The following DBF4 variants were observed in gnomAD, a reference collection of about 807,000 sequenced individuals.
The protein encoded by DBF4 is DBF4-CDC7 kinase regulatory subunit, also known as protein DBF4 homolog A.
In DBF4, 25 loss-of-function variants were observed where a neutral mutation model predicts 76.6. The observed-to-expected ratio is 0.33, with a 90% CI of 0.24 to 0.46. DBF4 has a LOEUF of 0.46. Ranked by LOEUF, DBF4 falls within the 20% of genes least tolerant of loss-of-function variation. The pLI is 1.00. For synonymous variants in DBF4, 213 were observed against 258.0 expected (o/e 0.83, Z 1.67); for missense variants, 638 against 760.8 (o/e 0.84, Z 1.90).
intron 10 of DBF4, among the ~76,000 whole-genome samples, chr7:87,901,850 G>C (rs1839798089): frequency 6.6e-6 from 1 of 152,156 alleles, no homozygotes; most frequent in Non-Finnish European, 1.5e-5. Flanking sequence ...TTCGGTTTTG[G>C]TAGAAGATGG....
intron 11 of DBF4, among the ~76,000 whole-genome samples, chr7:87,905,249 A>G (rs1202836023): frequency 6.6e-6 from 1 of 152,246 alleles, no homozygotes; most frequent in Non-Finnish European, 1.5e-5. Context: ...GCTTTTTTGT[A>G]CAATGGATAT....
chr7:87,893,278 G>T (rs1043747632), intron 6 of DBF4, among the ~76,000 whole-genome samples: 1 of 135,330 alleles, frequency 7.4e-6, no homozygotes, highest in African/African-American at 2.8e-5. Flanking sequence ...TCGCTCTGTC[G>T]CCCAGGCCGG....
intron 6 of DBF4, among the ~76,000 whole-genome samples, chr7:87,893,317 C>T (rs1839541265): frequency 6.7e-6 from 1 of 149,944 alleles, no homozygotes; most frequent in South Asian, 2.1e-4. Flanking sequence ...GCAATCTCGG[C>T]TCACTGCAAG....
intron 10 of DBF4, among the ~76,000 whole-genome samples, chr7:87,903,318 A>G (rs1839835065): frequency 6.6e-6 from 1 of 152,174 alleles, no homozygotes; most frequent in South Asian, 2.1e-4. Context: ...ACCTCAGGTG[A>G]TCCGCCCTCC....
At chr7:87,878,028 A>T (rs771487981) in intron 1 of DBF4, 25 bp from the exon 2 acceptor site, 1 of 1,532,138 alleles carries the variant, frequency 6.5e-7, no homozygotes, top group African/African-American at 1.4e-5. Flanking sequence ...TGTGTAAAAC[A>T]TCTGATTCTA....
Position 87,900,344 on chromosome 7 carries a change from A to C in DBF4, c.804A>C (p.Lys268Asn), listed in dbSNP as rs530200299. The C allele has an allele frequency of 2.0e-5, 32 of 1,587,422 alleles. No homozygotes were observed. In the African/African-American group the frequency reaches 4.2e-4, roughly 21 times the overall value. ...PSSMQKQTQV[K>N]LRIQTDGDKY... ...GTATGCAAAAGCAAACTCAGGTTAAACTAAGGTTGGTTTGAATCTTTACTT... is the reference window on the plus strand; with the variant it reads ...GTATGCAAAAGCAAACTCAGGTTAACCTAAGGTTGGTTTGAATCTTTACTT... The change falls in exon 9 of 12, where the codon AAA becomes AAC. Residue 268 changes from lysine (K) to asparagine (N), a missense_variant. Physicochemically the swap from Lys to Asn is moderately conservative, Grantham distance 94. Coordinates refer to ENST00000265728, the MANE Select transcript of DBF4 (RefSeq NM_006716.4).
intron 10 of DBF4, among the ~76,000 whole-genome samples, chr7:87,903,359 G>A (rs993309261): frequency 3.3e-5 from 5 of 152,168 alleles, no homozygotes; most frequent in South Asian, 4.1e-4. Flanking sequence ...GACTACAGGC[G>A]TAAGCCACTG....
intron 3 of DBF4, among the ~76,000 whole-genome samples, chr7:87,886,591 TTTA>T (rs1358532810): frequency 2.1e-5 from 3 of 141,710 alleles, no homozygotes; most frequent in Admixed American, 1.4e-4. Flanking sequence ...GTATATAAAA[TTTA>T]TTGTTTTTCT....
chr7:87,878,349 C>G, intron 2 of DBF4, 124 bp downstream of exon 2: 1 of 755,834 alleles, frequency 1.3e-6, no homozygotes. Flanking sequence ...ACATTTTTAT[C>G]AGCTGTTTAT....
chr7:87,908,220 A>G lies in DBF4; in HGVS notation c.*57A>G, dbSNP rs2131083042. The G allele has an allele frequency of 1.5e-6, 2 of 1,352,972 alleles. No individual in the cohort carries two copies. The highest frequency in any genetic ancestry group is 2.6e-5 in the East Asian group (1 of 38,180). The allele number at this position is 1,352,972 out of a possible 1,614,324, so 83.8% of individuals were successfully genotyped here. On this transcript the variant is annotated 3_prime_UTR_variant, in exon 12 of 12. Coordinates refer to ENST00000265728, the MANE Select transcript of DBF4 (RefSeq NM_006716.4). ...TAAGGATCATATTCTTGAAATTTTT[A>G]TAAATATGTATGGAAATTCTTAGGA...
chr7:87,908,744 T>TC lies in DBF4; in HGVS notation c.*581_*582insC, dbSNP rs1455773807. ...ACCAGGCTACCAAGTGGAATATAAT[T>TC]TATCTGCTATTTTTAATTACTTACC... On this transcript the variant is annotated 3_prime_UTR_variant, in exon 12 of 12. Transcript: ENST00000265728. 3 of 149,308 alleles carry TC rather than the reference T, an allele frequency of 2.0e-5. No homozygotes were observed. Among genetic ancestry groups the TC allele is most frequent in the African/African-American group, 7.6e-5 (3 of 39,530 alleles). The allele number at this position is 149,308 out of a possible 1,614,324, so 9.2% of individuals were successfully genotyped here. A position where few individuals can be genotyped will look rare whatever the true frequency, so the allele number is the denominator to read the frequency against.
At chr7:87,900,374 A>G in intron 9 of DBF4, 25 bp downstream of exon 9, 1 of 1,573,468 alleles carries the variant, frequency 6.4e-7, no homozygotes, top group African/African-American at 1.4e-5. Flanking sequence ...TTACTTTTAG[A>G]AGGAATATTC....
chr7:87,894,540 T>C (rs1839581465), intron 6 of DBF4, among the ~76,000 whole-genome samples: 1 of 152,266 alleles, frequency 6.6e-6, no homozygotes, highest in Middle Eastern at 3.2e-3. Flanking sequence ...TTTCCATTAC[T>C]CTTCCTTCCT....
At chr7:87,892,937 C>T (rs1342755280) in intron 6 of DBF4, among the ~76,000 whole-genome samples, 1 of 151,906 alleles carries the variant, frequency 6.6e-6, no homozygotes, top group Non-Finnish European at 1.5e-5. Flanking sequence ...TCAGAGTTAC[C>T]CAAAATATAG....
Position 87,887,392 on chromosome 7 carries a change from A to AT in DBF4, c.516dup (p.Asp173Ter). 2 of 1,569,788 alleles carry AT rather than the reference A, an allele frequency of 1.3e-6. No individual in the cohort carries two copies. The highest frequency in any genetic ancestry group is 1.7e-6 in the Non-Finnish European group (2 of 1,148,902). ...GTCATGGGGAGTAAAAATTCTTCAT[A>AT]TTGATGGTAAGGATTTTATAATTGT... On this transcript the variant is annotated frameshift_variant, in exon 5 of 12. Transcript: ENST00000265728. LOFTEE classifies it high-confidence loss of function.
intron 6 of DBF4, among the ~76,000 whole-genome samples, chr7:87,890,756 G>A (rs544999864): frequency 9.7e-4 from 148 of 152,236 alleles, no homozygotes; most frequent in African/African-American, 3.4e-3. Flanking sequence ...TCCTTCAGTA[G>A]TAACAAATAT....
At chr7:87,901,620 AAG>A (rs1287810515) in intron 10 of DBF4, among the ~76,000 whole-genome samples, 1 of 152,226 alleles carries the variant, frequency 6.6e-6, no homozygotes, top group African/African-American at 2.4e-5. Context: ...AGGTAGCAGA[AAG>A]AAATGGGAGA....
intron 11 of DBF4, among the ~76,000 whole-genome samples, chr7:87,905,136 CTG>C (rs969162283): frequency 6.6e-6 from 1 of 152,112 alleles, no homozygotes; most frequent in African/African-American, 2.4e-5. Flanking sequence ...ATTCTTGACA[CTG>C]TAGTTTAGAA....
intron 2 of DBF4, among the ~76,000 whole-genome samples, chr7:87,883,955 T>A (rs1839280197): frequency 6.6e-6 from 1 of 152,196 alleles, no homozygotes; most frequent in East Asian, 1.9e-4. Context: ...TCTCCCTATT[T>A]TTATTTTCCT....
Sources: allele counts gnomAD v4.1 joint callset (sites outside exome capture counted in the v4.1 genomes callset), GRCh38; gene constraint gnomAD v4.1.1; transcripts MANE v1.5; gene names NCBI Gene and HGNC (gene_info 2026-07-23, HGNC 2026-07-21).